KIAA1328: variants seen among roughly 807,000 people sequenced by gnomAD.
The protein encoded by KIAA1328 is protein hinderin.
A neutral mutation model predicts 68.1 loss-of-function variants in KIAA1328; 52 were observed. The observed-to-expected ratio is 0.76, with a 90% CI of 0.61 to 0.96. The LOEUF is 0.96. Among genes scored for constraint, KIAA1328 ranks in the 40% least tolerant of loss-of-function variants. The probability of loss-of-function intolerance (pLI) is 0.00; values close to 1 mark genes in which losing one functional copy is unlikely to be tolerated. For synonymous variants in KIAA1328, 232 were observed against 239.4 expected, an observed-to-expected ratio of 0.97 and a Z score of 0.28; for missense variants, 641 against 677.6, an observed-to-expected ratio of 0.95 and a Z score of 0.60.
intron 4 of KIAA1328, among the ~76,000 whole-genome samples, chr18:36,855,195 T>C (rs937903689): frequency 6.6e-6 from 1 of 152,196 alleles, no homozygotes; most frequent in East Asian, 1.9e-4. Context: ...CTGGATTGCA[T>C]GGTAATTCTA....
chr18:37,044,777 C>T (rs191546927), intron 6 of KIAA1328, among the ~76,000 whole-genome samples: 50 of 143,224 alleles, frequency 3.5e-4, no homozygotes, highest in African/African-American at 1.1e-3. Context: ...CCAGCCTGGG[C>T]GACAGAGTAA....
intron 4 of KIAA1328, among the ~76,000 whole-genome samples, chr18:36,883,658 C>G (rs2048393072): frequency 6.6e-6 from 1 of 152,100 alleles, no homozygotes; most frequent in African/African-American, 2.4e-5. Context: ...TGTTTGAAAT[C>G]TGAAACACTT....
At chr18:36,915,507 G>A (rs1386863995) in intron 5 of KIAA1328, among the ~76,000 whole-genome samples, 1 of 152,098 alleles carries the variant, frequency 6.6e-6, no homozygotes, top group African/African-American at 2.4e-5. Context: ...CTAACAAAAA[G>A]GCAAAGGTTT....
intron 5 of KIAA1328, among the ~76,000 whole-genome samples, chr18:36,956,345 G>T (rs1568212667): frequency 6.6e-6 from 1 of 152,190 alleles, no homozygotes; most frequent in Non-Finnish European, 1.5e-5. Flanking sequence ...ATGGTTTGGT[G>T]TACACTTTCC....
chr18:37,186,136 G>A (rs1158978550), intron 9 of KIAA1328, among the ~76,000 whole-genome samples: 1 of 114,702 alleles, frequency 8.7e-6, no homozygotes, highest in African/African-American at 3.6e-5. Context: ...GGTACTCCCT[G>A]TGTCCCCCAG....
intron 7 of KIAA1328, among the ~76,000 whole-genome samples, chr18:37,131,737 A>G (rs566620213): frequency 6.6e-6 from 1 of 152,326 alleles, no homozygotes; most frequent in East Asian, 1.9e-4. Context: ...GAGGAAAAAA[A>G]AGACTATCAT....
chr18:37,105,743 C>T (rs1344223811), intron 7 of KIAA1328, among the ~76,000 whole-genome samples: 1 of 150,192 alleles, frequency 6.7e-6, no homozygotes, highest in East Asian at 2.0e-4. Flanking sequence ...ATGGTGAAAC[C>T]CCATCTCTAC....
intron 7 of KIAA1328, among the ~76,000 whole-genome samples, chr18:37,070,830 G>A (rs943460763): frequency 1.6e-4 from 24 of 151,780 alleles, no homozygotes; most frequent in South Asian, 4.2e-4. Context: ...CACCTACCTC[G>A]TAAATTTTTT....
chr18:37,075,848 C>T (rs2056711704), intron 7 of KIAA1328, among the ~76,000 whole-genome samples: 1 of 152,142 alleles, frequency 6.6e-6, no homozygotes, highest in Non-Finnish European at 1.5e-5. Flanking sequence ...CCTGAGTGAC[C>T]TACAAAGAGA....
intron 5 of KIAA1328, among the ~76,000 whole-genome samples, chr18:36,920,623 T>C (rs1037936413): frequency 6.6e-6 from 1 of 152,198 alleles, no homozygotes; most frequent in African/African-American, 2.4e-5. Flanking sequence ...GGGGCTAATT[T>C]AGCCCCATTT....
chr18:37,141,456 A>G (rs912737164), intron 7 of KIAA1328, among the ~76,000 whole-genome samples: 1 of 152,206 alleles, frequency 6.6e-6, no homozygotes, highest in African/African-American at 2.4e-5. Flanking sequence ...GAAGTAATTC[A>G]TTGTATAAGT....
rs376558831 is a variant in KIAA1328, at chr18:37,066,951, G to T, written c.638G>T (p.Ser213Ile). ...SSVELDGSYL[S>I]IARPQTYYQT... Reference sequence around the variant, plus strand: ...GTGGAACTGGATGGTTCCTACTTGAGCATAGCCAGACCACAGACCTACTAT... The same window carrying T: ...GTGGAACTGGATGGTTCCTACTTGATCATAGCCAGACCACAGACCTACTAT... Residue 213 changes from serine to isoleucine, a missense_variant, in exon 7 of 10, where the codon AGC becomes ATC. Ser to Ile is a moderately radical substitution (Grantham distance 142). Coordinates refer to ENST00000280020, the MANE Select transcript of KIAA1328 (RefSeq NM_020776.3). The T allele has an allele frequency of 6.2e-6, 10 of 1,611,438 alleles. No individual in the cohort carries two copies. Among genetic ancestry groups the T allele is most frequent in the Non-Finnish European group, 8.5e-6 (10 of 1,178,680 alleles).
chr18:37,116,338 G>C (rs1327510000), intron 7 of KIAA1328, among the ~76,000 whole-genome samples: 1 of 152,132 alleles, frequency 6.6e-6, no homozygotes, highest in East Asian at 1.9e-4. Context: ...ACAGAACAGA[G>C]CCCTCAGAAA....
chr18:37,190,560 C>T (rs1327908126), intron 9 of KIAA1328, among the ~76,000 whole-genome samples: 5 of 152,128 alleles, frequency 3.3e-5, no homozygotes, highest in South Asian at 2.1e-4. Context: ...TCCAGAAGCA[C>T]GGACAGCTTT....
chr18:37,197,301 T>G (rs2154218846), intron 9 of KIAA1328, among the ~76,000 whole-genome samples: 1 of 152,258 alleles, frequency 6.6e-6, no homozygotes, highest in Admixed American at 6.5e-5. Context: ...AAAAATTTTT[T>G]GTCTCAATTT....
At chr18:37,202,417 C>CAA (rs2060132291) in intron 9 of KIAA1328, among the ~76,000 whole-genome samples, 2 of 152,062 alleles carry the variant, frequency 1.3e-5, no homozygotes, top group Non-Finnish European at 2.9e-5. Context: ...TTACCTGGTC[C>CAA]AATGGTATGA....
chr18:37,094,281 C>A (rs757667793), intron 7 of KIAA1328, among the ~76,000 whole-genome samples: 1 of 152,030 alleles, frequency 6.6e-6, no homozygotes, highest in Admixed American at 6.6e-5. Flanking sequence ...AGATTGGTAC[C>A]GGTCTGCAGC....
chr18:37,120,221 C>CTGTGACTACTCAG (rs150232999), intron 7 of KIAA1328, among the ~76,000 whole-genome samples: 40,605 of 151,898 alleles, frequency 0.27, 8,558 homozygotes, highest in African/African-American at 0.59. Flanking sequence ...ACCAATTAGT[C>CTGTGACTACTCAG]TGTGATCTAA....
intron 7 of KIAA1328, among the ~76,000 whole-genome samples, chr18:37,082,916 A>G (rs1269547416): frequency 1.3e-5 from 2 of 152,206 alleles, no homozygotes; most frequent in African/African-American, 4.8e-5. Flanking sequence ...CTCCCACTCT[A>G]ACAATATGCC....
Sources: gnomAD v4.1 joint callset for allele counts (sites outside exome capture counted in the v4.1 genomes callset) on GRCh38, gnomAD v4.1.1 for gene constraint, MANE v1.5 for transcripts, NCBI Gene and HGNC (gene_info 2026-07-23, HGNC 2026-07-21) for gene names.